Variants in ZNF44 observed in about 807,000 individuals in gnomAD.
The protein encoded by ZNF44 is gonadotropin inducible transcription repressor-2.
A neutral mutation model predicts 11.7 loss-of-function variants in ZNF44; 9 were observed. The observed-to-expected ratio is 0.77, with a 90% confidence interval of 0.46 to 1.35. ZNF44 has a LOEUF of 1.35. Among genes scored for constraint, ZNF44 ranks in the 40% most tolerant of loss-of-function variants. ZNF44 has a pLI of 0.00. For missense variants in ZNF44, 696 were observed against 743.1 expected (o/e 0.94, Z 0.74); for synonymous variants, 224 against 242.7 (o/e 0.92, Z 0.72).
exon 4 of ZNF44, chr19:12,226,306 C>T (rs1031268719): frequency 6.6e-6 from 1 of 152,192 alleles, no homozygotes; most frequent in Admixed American, 6.5e-5. Context: ...GAGAAATCCT[C>T]TCTTCTTGAG....
At chr19:12,293,298 G>C (rs1197287611) in intron 1 of ZNF44, 1 of 1,536,886 alleles carries the variant, frequency 6.5e-7, no homozygotes, top group Non-Finnish European at 8.7e-7. Context: ...CCCAAGGGCC[G>C]ATATCCACTA....
chr19:12,248,634 T>A, exon 8 of ZNF44: 1 of 1,310,724 alleles, frequency 7.6e-7, no homozygotes, highest in African/African-American at 1.5e-5. Flanking sequence ...TTCTCCGCCA[T>A]GACTACCTTC....
chr19:12,272,603 T>C lies in ZNF44; in HGVS notation c.1652A>G (p.Glu551Gly). 6.2e-7 allele frequency: 1 copy of C among 1,613,330 alleles called. No individual in the cohort carries two copies. The highest frequency in any genetic ancestry group is 8.5e-7 in the Non-Finnish European group (1 of 1,179,674). Residue 551 changes from glutamate to glycine, a missense_variant, in exon 4 of 4, where the codon GAA becomes GGA. Physicochemically the swap from Glu to Gly is moderately conservative, Grantham distance 98. Transcript: ENST00000355684. ...GGGTCTTTCTCCAGTGTGAGTCCTT[T>C]CATGTCTTAGAAGGAAAGAGGGCCA... is the stretch of plus-strand genomic sequence containing the variant. ...FFWPSFLLRH[E>G]RTHTGERPYE...
At chr19:12,280,556 G>C (rs1263879891) in intron 1 of ZNF44, among the ~76,000 whole-genome samples, 1 of 151,768 alleles carries the variant, frequency 6.6e-6, no homozygotes, top group Non-Finnish European at 1.5e-5. Context: ...ACACAGAGAA[G>C]AACAACAAAT....
At chr19:12,278,127 G>A (rs11880121) in intron 1 of ZNF44, among the ~76,000 whole-genome samples, 27,709 of 152,128 alleles carry the variant, frequency 0.18, 2,604 homozygotes, top group East Asian at 0.28. Context: ...TTGGTTTACC[G>A]GAATGAGGGC....
At chr19:12,245,111 T>G (rs1916735596), downstream of ZNF44, among the ~76,000 whole-genome samples, 1 of 152,174 alleles carries the variant, frequency 6.6e-6, no homozygotes, top group Non-Finnish European at 1.5e-5. Context: ...TGTAAGAATT[T>G]TAAAAAATTT....
At position 12,274,023 on chromosome 19, in the gene ZNF44, T is replaced by C; in HGVS notation, c.232A>G (p.Ser78Gly). The change falls in exon 4 of 4, where the codon AGT becomes GGT. Residue 78 changes from serine (S) to glycine (G), a missense_variant. Transcript: ENST00000355684. ...TGGCTTAAGGTTTCTCCACACTGAC[T>C]ACCATCTTTACTTTTACCAAATCTC... ...VERFGKSKDG[S>G]QCGETLSQIR... 6.2e-7 allele frequency: 1 copy of C among 1,613,602 alleles called. No individual in the cohort carries two copies. Among genetic ancestry groups the C allele is most frequent in the South Asian group, 1.1e-5 (1 of 91,052 alleles).
chr19:12,259,436 G>A, intron 5 of ZNF44, among the ~76,000 whole-genome samples: 1 of 152,124 alleles, frequency 6.6e-6, no homozygotes, highest in Non-Finnish European at 1.5e-5. Flanking sequence ...CATTATAGAG[G>A]CCAAAAACCC....
chr19:12,268,145 GACACACACACACACACACACACAC>G (rs71166661), downstream of ZNF44, among the ~76,000 whole-genome samples: 15 of 136,750 alleles, frequency 1.1e-4, no homozygotes, highest in Non-Finnish European at 2.0e-4. Flanking sequence ...CACACACACA[GACACACACACACACACACACACAC>G]ACACACACAC....
At chr19:12,243,759 T>C (rs1024223698), downstream of ZNF44, among the ~76,000 whole-genome samples, 2 of 152,038 alleles carry the variant, frequency 1.3e-5, no homozygotes, top group Non-Finnish European at 2.9e-5. Context: ...TTTTTCACAA[T>C]GGCTGTACCA....
chr19:12,287,411 T>C (rs1967810299), intron 1 of ZNF44, among the ~76,000 whole-genome samples: 1 of 152,144 alleles, frequency 6.6e-6, no homozygotes, highest in South Asian at 2.1e-4. Context: ...AGATGGGGTT[T>C]CACCGCATTA....
In ZNF44 at chr19:12,257,067, G is replaced by T. The variant is rs534528742; in HGVS notation, c.1913-6699C>A. Among the ~76,000 whole-genome samples the T allele has an allele frequency of 5.9e-5, 9 of 152,248 alleles. No homozygotes were observed. In the East Asian group the frequency reaches 1.7e-3, roughly 29 times the overall value. The stretch of plus-strand genomic sequence containing the variant: ...CCTGAAGAAAGGTAGATAAAATTTA[G>T]ATCTTGCCAGCAAAGACTGCAATAT... On this transcript the variant is annotated intron_variant and NMD_transcript_variant, in intron 5 of 7. Coordinates refer to the ZNF44 transcript ENST00000393337.
chr19:12,262,415 C>T (rs1417005150), intron 5 of ZNF44, among the ~76,000 whole-genome samples: 5 of 151,980 alleles, frequency 3.3e-5, no homozygotes, highest in Non-Finnish European at 5.9e-5. Flanking sequence ...AGATTACAGG[C>T]GCACACCACC....
chr19:12,261,414 G>C (rs74743900), intron 5 of ZNF44, among the ~76,000 whole-genome samples: 1 of 152,210 alleles, frequency 6.6e-6, no homozygotes, highest in Admixed American at 6.5e-5. Flanking sequence ...GTGGAGGATC[G>C]CTTGAGCCCA....
At chr19:12,239,531 T>C (rs996153685), upstream of ZNF44, among the ~76,000 whole-genome samples, 2 of 149,068 alleles carry the variant, frequency 1.3e-5, no homozygotes, top group African/African-American at 5.0e-5. Context: ...GCTGGGCTTA[T>C]AGGTGTGAGC....
At chr19:12,257,708 G>A (rs140692583) in intron 5 of ZNF44, among the ~76,000 whole-genome samples, 252 of 151,820 alleles carry the variant, frequency 1.7e-3, no homozygotes, top group African/African-American at 5.7e-3. Context: ...GGCTGAGGCA[G>A]GAGAATCATT....
At chr19:12,230,139 A>G (rs997244859) in intron 3 of ZNF44, among the ~76,000 whole-genome samples, 17 of 152,202 alleles carry the variant, frequency 1.1e-4, no homozygotes, top group African/African-American at 4.1e-4. Flanking sequence ...CCATGTTACA[A>G]TAAAAGACTA....
intron 1 of ZNF44, chr19:12,285,231 G>C (rs1967680592): frequency 2.4e-6 from 1 of 412,048 alleles, no homozygotes; most frequent in Non-Finnish European, 4.3e-6. Context: ...TGAAAAAAAT[G>C]TATAAACAGA....
intron 2 of ZNF44, among the ~76,000 whole-genome samples, chr19:12,234,306 G>A (rs1179374155): frequency 6.6e-6 from 1 of 152,120 alleles, no homozygotes; most frequent in African/African-American, 2.4e-5. Context: ...CAACATCTAT[G>A]TTACAGTAAG....
Sources: gnomAD v4.1 joint callset for allele counts (sites outside exome capture counted in the v4.1 genomes callset) on GRCh38, gnomAD v4.1.1 for gene constraint, MANE v1.5 for transcripts, NCBI Gene and HGNC (gene_info 2026-07-23, HGNC 2026-07-21) for gene names.